The following ADAM9 variants were observed in gnomAD, a reference collection of about 807,000 sequenced individuals.
The protein encoded by ADAM9 is ADAM metallopeptidase domain 9.
In ADAM9, 54 loss-of-function variants were observed where a neutral mutation model predicts 108.1. That is an observed-to-expected ratio of 0.50 (90% CI 0.40 to 0.63). ADAM9 has a LOEUF of 0.63. Ranked by LOEUF, ADAM9 falls within the 20% of genes least tolerant of loss-of-function variation. ADAM9 has a pLI of 0.00. For synonymous variants in ADAM9, 316 were observed against 336.0 expected (o/e 0.94, Z 0.65); for missense variants, 830 against 997.7 (o/e 0.83, Z 2.26).
chr8:39,079,397 G>C (rs754066042), intron 16 of ADAM9, among the ~76,000 whole-genome samples: 2 of 151,936 alleles, frequency 1.3e-5, no homozygotes, highest in African/African-American at 2.4e-5. Flanking sequence ...GTGAGCCACT[G>C]CACCTAGCTG....
intron 12 of ADAM9, 147 bp from the exon 13 acceptor site, chr8:39,054,334 C>T: frequency 2.8e-6 from 2 of 702,930 alleles, no homozygotes; most frequent in East Asian, 2.8e-5. Context: ...ATTGTTAAAT[C>T]CAGAAACAGT....
At chr8:39,083,147 C>T (rs573353155) in intron 18 of ADAM9, 74 bp downstream of exon 18, 17 of 1,016,754 alleles carry the variant, frequency 1.7e-5, no homozygotes, top group East Asian at 5.0e-5. Flanking sequence ...TCGTACCTCT[C>T]CCTCACTTCC....
chr8:39,048,998 G>GTTTTTTT (rs34077661), intron 12 of ADAM9, among the ~76,000 whole-genome samples: 2 of 121,470 alleles, frequency 1.6e-5, no homozygotes, highest in African/African-American at 3.0e-5. Context: ...ATAGCATATA[G>GTTTTTTT]TTTTTTTTTT....
chr8:39,043,951 T>C (rs1588372437), intron 12 of ADAM9, among the ~76,000 whole-genome samples: 1 of 152,344 alleles, frequency 6.6e-6, no homozygotes, highest in East Asian at 1.9e-4. Context: ...TAGTTTTTCA[T>C]TTTTTGCTAT....
At chr8:39,098,726 G>A (rs1182960173) in intron 20 of ADAM9, among the ~76,000 whole-genome samples, 1 of 152,138 alleles carries the variant, frequency 6.6e-6, no homozygotes, top group Admixed American at 6.5e-5. Flanking sequence ...ATTTTAATAT[G>A]TATGCCCTTG....
chr8:39,044,236 G>C (rs1837541119), intron 12 of ADAM9, among the ~76,000 whole-genome samples: 1 of 152,126 alleles, frequency 6.6e-6, no homozygotes, highest in Admixed American at 6.5e-5. Flanking sequence ...TTATGTTTAA[G>C]TCTTTAATCC....
At chr8:39,067,678 T>C (rs1046961302) in intron 14 of ADAM9, among the ~76,000 whole-genome samples, 17 of 152,226 alleles carry the variant, frequency 1.1e-4, no homozygotes, top group Admixed American at 2.6e-4. Context: ...TGTACAATCA[T>C]GTCATCTGCA....
chr8:39,059,646 G>A (rs1838234765), intron 14 of ADAM9, among the ~76,000 whole-genome samples: 1 of 152,246 alleles, frequency 6.6e-6, no homozygotes, highest in Non-Finnish European at 1.5e-5. Context: ...CTACAACCCA[G>A]TCATGGGCCA....
intron 20 of ADAM9, among the ~76,000 whole-genome samples, chr8:39,097,778 G>A (rs1033605926): frequency 6.6e-6 from 1 of 152,160 alleles, no homozygotes; most frequent in Non-Finnish European, 1.5e-5. Context: ...CACTTTATAA[G>A]CTGTGACTTT....
At chr8:39,054,366 A>G (rs1388800642) in intron 12 of ADAM9, 115 bp from the exon 13 acceptor site, 1 of 887,586 alleles carries the variant, frequency 1.1e-6, no homozygotes, top group Non-Finnish European at 1.8e-6. Flanking sequence ...TCTGGAGGGT[A>G]ACTGCTACAA....
chr8:39,104,230 A>G lies in ADAM9; in HGVS notation c.*530A>G. 2.2e-6 allele frequency: 1 copy of G among 453,884 alleles called. No homozygotes were observed. The highest frequency in any genetic ancestry group is 4.4e-6 in the Non-Finnish European group (1 of 226,696). 28.1% of individuals were successfully genotyped at this position (453,884 alleles called of 1,614,324 possible). On this transcript the variant is annotated 3_prime_UTR_variant, in exon 22 of 22. Coordinates refer to ENST00000487273, the MANE Select transcript of ADAM9 (RefSeq NM_003816.3). ...CTTGTCTGTCACTCACTACATGAATAAGCAAATATTGTCTTCAAAAGAATG... is the reference window on the plus strand; with the variant it reads ...CTTGTCTGTCACTCACTACATGAATGAGCAAATATTGTCTTCAAAAGAATG...
At chr8:39,073,547 A>G (rs939022571) in intron 15 of ADAM9, among the ~76,000 whole-genome samples, 9 of 152,214 alleles carry the variant, frequency 5.9e-5, no homozygotes, top group Admixed American at 5.9e-4. Context: ...TGCATTTAGC[A>G]TAATGCTTGG....
At chr8:39,086,002 T>C (rs540518378) in intron 18 of ADAM9, among the ~76,000 whole-genome samples, 4 of 152,260 alleles carry the variant, frequency 2.6e-5, no homozygotes, top group African/African-American at 9.6e-5. Flanking sequence ...TGTTTTTTTT[T>C]CTTAAATTTT....
In ADAM9 at chr8:39,063,228, G is replaced by GT. The variant is rs1227608827; in HGVS notation, c.1591+7457dup. Reference sequence around the variant, plus strand: ...TGAACCTCCTCATGGGTTGTATTTAGTATTTCACCTTTAGGGGCATTTTCT... The same window carrying GT: ...TGAACCTCCTCATGGGTTGTATTTAGTTATTTCACCTTTAGGGGCATTTTCT... On this transcript the variant is annotated intron_variant, in intron 14 of 21. Coordinates refer to ENST00000487273, the MANE Select transcript of ADAM9 (RefSeq NM_003816.3). Among the ~76,000 whole-genome samples the GT allele has an allele frequency of 2.6e-5, 4 of 152,310 alleles. No homozygotes were observed. In the East Asian group the frequency reaches 7.7e-4, roughly 29 times the overall value.
intron 7 of ADAM9, among the ~76,000 whole-genome samples, chr8:39,019,707 G>T (rs991858630): frequency 4.6e-5 from 7 of 152,116 alleles, no homozygotes; most frequent in African/African-American, 1.7e-4. Context: ...TACTATGATT[G>T]GCAGTTCCTT....
chr8:39,090,128 T>A lies in ADAM9; in HGVS notation c.2150T>A (p.Phe717Tyr), dbSNP rs766723191. Residue 717 changes from phenylalanine (F) to tyrosine (Y), a missense_variant, in exon 19 of 22, where the codon TTC becomes TAC. Physicochemically the swap from Phe to Tyr is conservative, Grantham distance 22. This residue lies in a region of ADAM9 where 238 missense variants were observed against 235.7 expected (regional missense o/e 1.01). Coordinates refer to ENST00000487273, the MANE Select transcript of ADAM9 (RefSeq NM_003816.3). ...CTTATTGTCTGTGCTATTTTTATCT[T>A]CATCAAGAGGGATCAACTGTGGAGA... is the stretch of plus-strand genomic sequence containing the variant. ...VPLIVCAIFI[F>Y]IKRDQLWRSY... 11 of 1,613,960 alleles carry A rather than the reference T, an allele frequency of 6.8e-6. No individual in the cohort carries two copies. The highest frequency in any genetic ancestry group is 8.5e-6 in the Non-Finnish European group (10 of 1,179,906).
rs142333288 is a variant in ADAM9, at chr8:39,051,612, C to G, written c.1303-2869C>G. 2.4e-4 allele frequency among the ~76,000 whole-genome samples: 37 copies of G among 152,220 alleles called. No homozygotes were observed. The East Asian group carries it at 6.8e-3, about 28-fold the overall frequency. On this transcript the variant is annotated intron_variant, in intron 12 of 21. Transcript: ENST00000487273. Reference sequence around the variant, plus strand: ...CACTGCCTGTTGGAGGAAGGAGAATCCAGAGCTTTCTATTCTCCCATTTTG... The same window carrying G: ...CACTGCCTGTTGGAGGAAGGAGAATGCAGAGCTTTCTATTCTCCCATTTTG...
rs780950986 is a variant in ADAM9, at chr8:39,023,231, G to A, written c.820G>A (p.Val274Ile). 2 of 1,613,830 alleles carry A rather than the reference G, an allele frequency of 1.2e-6. No individual in the cohort carries two copies. The highest frequency in any genetic ancestry group is 2.2e-5 in the East Asian group (1 of 44,864). ...GACCAATGGAAACCTGATCAACATA[G>A]TTGGGGGTGCTGGTGATGTGCTGGG... ...IWTNGNLINI[V>I]GGAGDVLGNF... Residue 274 changes from valine (V) to isoleucine (I), a missense_variant, in exon 9 of 22, where the codon GTT (valine) becomes ATT (isoleucine). Physicochemically the swap from Val to Ile is conservative, Grantham distance 29 (BLOSUM62 3). Around this residue, in one of 3 missense-constraint regions of ADAM9, gnomAD observed 381 missense variants for 539.8 expected, o/e 0.71. Transcript: ENST00000487273.
chr8:38,997,030 C>T lies in ADAM9; in HGVS notation c.-34C>T, dbSNP rs753345839. ...TGGAAGAGGCGGAGGTGGAGGCGAC[C>T]GAGTGCTGAGAGGAACCTGCGGAAT... On this transcript the variant is annotated 5_prime_UTR_variant, in exon 1 of 22. Coordinates refer to ENST00000487273, the MANE Select transcript of ADAM9 (RefSeq NM_003816.3). The T allele has an allele frequency of 7.5e-6, 12 of 1,601,262 alleles. No homozygotes were observed. Among genetic ancestry groups the T allele is most frequent in the South Asian group, 1.1e-5 (1 of 90,612 alleles).
Sources: gnomAD v4.1 joint callset for allele counts (sites outside exome capture counted in the v4.1 genomes callset) on GRCh38, gnomAD v4.1.1 for gene constraint, gnomAD v4.1.1 regional missense constraint, MANE v1.5 for transcripts, NCBI Gene and HGNC (gene_info 2026-07-23, HGNC 2026-07-21) for gene names.